Variants in ADAM18 observed in about 807,000 individuals in gnomAD.
ADAM18 encodes ADAM metallopeptidase domain 18.
A neutral mutation model predicts 94.4 loss-of-function variants in ADAM18; 117 were observed. The ratio of observed to expected loss-of-function variants is 1.24; its 90% CI spans 1.07 to 1.45. ADAM18 has a LOEUF of 1.45. Ranked by LOEUF, ADAM18 falls within the 40% of genes most tolerant of loss-of-function variation. The pLI, the probability that ADAM18 is intolerant of heterozygous loss-of-function variation, is 0.00. For missense variants in ADAM18, 936 were observed against 880.0 expected, an observed-to-expected ratio of 1.06 and a Z score of -0.81; for synonymous variants, 327 against 291.6, an observed-to-expected ratio of 1.12 and a Z score of -1.24.
intron 7 of ADAM18, among the ~76,000 whole-genome samples, chr8:39,630,043 C>T (rs536061234): frequency 6.6e-6 from 1 of 151,986 alleles, no homozygotes; most frequent in South Asian, 2.1e-4. Context: ...GATATTTTCT[C>T]TTTTGCAAAG....
chr8:39,701,357 G>A (rs1378663196), intron 17 of ADAM18, among the ~76,000 whole-genome samples: 5 of 151,218 alleles, frequency 3.3e-5, no homozygotes, highest in African/African-American at 7.3e-5. Context: ...TTTTTAATAC[G>A]TTGTGATAAT....
At chr8:39,711,929 C>A (rs1424479288) in intron 18 of ADAM18, among the ~76,000 whole-genome samples, 4 of 148,936 alleles carry the variant, frequency 2.7e-5, no homozygotes, top group Non-Finnish European at 4.5e-5. Flanking sequence ...GAACTGCAAA[C>A]AGGACAAATT....
At chr8:39,605,096 C>T (rs914062672) in intron 2 of ADAM18, among the ~76,000 whole-genome samples, 4 of 152,194 alleles carry the variant, frequency 2.6e-5, no homozygotes, top group East Asian at 3.9e-4. Context: ...AGATAGCCTT[C>T]TGAGCCTGTG....
rs2129457843 is a variant in ADAM18, at chr8:39,585,272, G to A, written c.56-4G>A. On this transcript the variant is annotated splice_region_variant and splice_polypyrimidine_tract_variant and intron_variant, in intron 1 of 19. Transcript: ENST00000265707. ...ACAAAAACAAACACATTTTCTTACT[G>A]CAGGTTCTGAAGGAATATTTCTGCA... 6.2e-7 allele frequency: 1 copy of A among 1,609,920 alleles called. No individual in the cohort carries two copies. Among genetic ancestry groups the A allele is most frequent in the Non-Finnish European group, 8.5e-7 (1 of 1,177,628 alleles).
chr8:39,667,062 G>A lies in ADAM18; in HGVS notation c.1327-936G>A, dbSNP rs191125145. Reference sequence around the variant, plus strand: ...CCTCACCTAAGTGATGCAAGGAGGCGTTTATGCTCTTAGATAATAATAAAC... The same window carrying A: ...CCTCACCTAAGTGATGCAAGGAGGCATTTATGCTCTTAGATAATAATAAAC... On this transcript the variant is annotated intron_variant, in intron 13 of 19. Coordinates refer to ENST00000265707, the MANE Select transcript of ADAM18 (RefSeq NM_014237.3). Among the ~76,000 whole-genome samples, 21 of 152,176 alleles carry A rather than the reference G, an allele frequency of 1.4e-4. No individual in the cohort carries two copies. In the East Asian group the frequency reaches 2.3e-3, roughly 17 times the overall value.
chr8:39,667,908 T>C, intron 13 of ADAM18, 90 bp from the exon 14 acceptor site: 1 of 1,332,204 alleles, frequency 7.5e-7, no homozygotes, highest in Non-Finnish European at 1.0e-6. Context: ...ATATCAATAA[T>C]TAGAAACATT....
At chr8:39,723,619 A>G in intron 18 of ADAM18, 129 bp from the exon 19 acceptor site, 2 of 569,960 alleles carry the variant, frequency 3.5e-6, no homozygotes, top group South Asian at 5.8e-5. Flanking sequence ...TTTATGTTCT[A>G]TTTTTCCTAG....
intron 7 of ADAM18, among the ~76,000 whole-genome samples, chr8:39,631,615 G>C (rs1819932631): frequency 6.6e-6 from 1 of 151,702 alleles, no homozygotes; most frequent in African/African-American, 2.4e-5. Context: ...ATTTGGTTTT[G>C]TCCTTTTTCT....
At chr8:39,604,407 C>G (rs918152881) in intron 2 of ADAM18, among the ~76,000 whole-genome samples, 1 of 152,026 alleles carries the variant, frequency 6.6e-6, no homozygotes, top group Non-Finnish European at 1.5e-5. Flanking sequence ...GTTTTATTCA[C>G]ACATGATACA....
intron 6 of ADAM18, among the ~76,000 whole-genome samples, chr8:39,619,988 C>T (rs1309012701): frequency 6.6e-6 from 1 of 152,040 alleles, no homozygotes; most frequent in Non-Finnish European, 1.5e-5. Context: ...ACTGAAACAG[C>T]ATGGTATTGG....
At chr8:39,595,065 A>C (rs534815734) in intron 2 of ADAM18, among the ~76,000 whole-genome samples, 55 of 152,198 alleles carry the variant, frequency 3.6e-4, no homozygotes, top group Non-Finnish European at 6.5e-4. Flanking sequence ...TAGGTCCCTG[A>C]AGCTCTGTGC....
chr8:39,723,907 G>T lies in ADAM18; in HGVS notation c.2177G>T (p.Arg726Leu). The T allele has an allele frequency of 6.7e-7, 1 of 1,486,812 alleles. No homozygotes were observed. The highest frequency in any genetic ancestry group is 9.1e-7 in the Non-Finnish European group (1 of 1,102,840). 92.1% of individuals were successfully genotyped at this position (1,486,812 alleles called of 1,614,324 possible). A position where few individuals can be genotyped will look rare whatever the true frequency, so the allele number is the denominator to read the frequency against. The change falls in exon 19 of 20, where the codon CGT (arginine) becomes CTT (leucine). Residue 726 changes from arginine to leucine, a missense_variant and splice_region_variant. Physicochemically the swap from Arg to Leu is moderately radical, Grantham distance 102 (BLOSUM62 -2). Coordinates refer to ENST00000265707, the MANE Select transcript of ADAM18 (RefSeq NM_014237.3). ...AACAGAGAGAATGCAGAGTATAATC[G>T]GTAAATATGATATAGAATCAATGTA... is the stretch of plus-strand genomic sequence containing the variant. ...SCNRENAEYN[R>L]NSSVVSESDD...
chr8:39,704,190 C>T (rs1822163379), intron 17 of ADAM18, among the ~76,000 whole-genome samples: 1 of 152,112 alleles, frequency 6.6e-6, no homozygotes, highest in Non-Finnish European at 1.5e-5. Context: ...AAAGGAACCC[C>T]TCCCTAACTC....
At chr8:39,589,945 G>T (rs1818523776) in intron 2 of ADAM18, among the ~76,000 whole-genome samples, 1 of 148,946 alleles carries the variant, frequency 6.7e-6, no homozygotes, top group Admixed American at 6.7e-5. Context: ...ACAGGTGCTG[G>T]AGAGGATGTG....
intron 11 of ADAM18, among the ~76,000 whole-genome samples, chr8:39,647,186 C>T (rs1339419202): frequency 1.4e-5 from 2 of 138,426 alleles, no homozygotes; most frequent in African/African-American, 5.4e-5. Context: ...ATTATCTCAG[C>T]AAGAGGAATG....
chr8:39,665,002 A>G (rs1820957094), intron 13 of ADAM18, among the ~76,000 whole-genome samples: 1 of 152,160 alleles, frequency 6.6e-6, no homozygotes, highest in South Asian at 2.1e-4. Flanking sequence ...AAGTGTCAGA[A>G]GAAACATATT....
At chr8:39,620,215 A>G (rs1819567345) in intron 6 of ADAM18, among the ~76,000 whole-genome samples, 1 of 152,052 alleles carries the variant, frequency 6.6e-6, no homozygotes, top group African/African-American at 2.4e-5. Context: ...CTTATACAAA[A>G]AGATCAAAAT....
At chr8:39,715,772 A>G (rs1822553935) in intron 18 of ADAM18, among the ~76,000 whole-genome samples, 1 of 152,106 alleles carries the variant, frequency 6.6e-6, no homozygotes, top group Non-Finnish European at 1.5e-5. Context: ...ATAGGCCTAT[A>G]CATACTAAAA....
At chr8:39,690,491 C>A (rs1303579274) in intron 16 of ADAM18, among the ~76,000 whole-genome samples, 1 of 152,058 alleles carries the variant, frequency 6.6e-6, no homozygotes, top group Admixed American at 6.5e-5. Flanking sequence ...ATTTTATAAT[C>A]TTCATATGGC....
Sources: gnomAD v4.1 joint callset for allele counts (sites outside exome capture counted in the v4.1 genomes callset) on GRCh38, gnomAD v4.1.1 for gene constraint, MANE v1.5 for transcripts, NCBI Gene and HGNC (gene_info 2026-07-23, HGNC 2026-07-21) for gene names.